Variants in CECR2 observed in about 807,000 individuals in gnomAD.
CECR2 encodes CECR2 histone acetyl-lysine reader, also known as chromatin remodeling regulator CECR2.
A neutral mutation model predicts 154.5 loss-of-function variants in CECR2; 30 were observed. That is an observed-to-expected ratio of 0.19 (90% CI 0.15 to 0.26). CECR2 has a LOEUF of 0.26. CECR2 is among the 10% of genes least tolerant of loss of function. CECR2 has a pLI of 1.00. For missense variants in CECR2, 1,743 were observed against 1,829.3 expected, an observed-to-expected ratio of 0.95 and a Z score of 0.86; for synonymous variants, 725 against 683.7, an observed-to-expected ratio of 1.06 and a Z score of -0.94.
chr22:17,527,105 T>C (rs2146975161), intron 9 of CECR2, among the ~76,000 whole-genome samples: 1 of 152,316 alleles, frequency 6.6e-6, no homozygotes, highest in East Asian at 1.9e-4. Context: ...AAAAGTCTAA[T>C]AATCGGATAT....
At chr22:17,403,476 C>T (rs1223125838) in intron 1 of CECR2, among the ~76,000 whole-genome samples, 1 of 152,152 alleles carries the variant, frequency 6.6e-6, no homozygotes, top group African/African-American at 2.4e-5. Flanking sequence ...AAGAAACTGG[C>T]AAACTTGTTT....
rs184365721 is a variant in CECR2, at chr22:17,555,867, T to C, written c.*3027T>C. 6.6e-6 allele frequency: 1 copy of C among 152,288 alleles called. No homozygotes were observed. Among genetic ancestry groups the C allele is most frequent in the African/African-American group, 2.4e-5 (1 of 41,566 alleles). 9.4% of individuals were successfully genotyped at this position (152,288 alleles called of 1,614,324 possible). A position where few individuals can be genotyped will look rare whatever the true frequency, so the allele number is the denominator to read the frequency against. ...AGAATGGGAAATACCATTGCATCTC[T>C]TTGATTTAACACTCATGGCTCACCT... On this transcript the variant is annotated 3_prime_UTR_variant, in exon 19 of 19. Coordinates refer to ENST00000262608, the MANE Select transcript of CECR2 (RefSeq NM_001290047.2).
upstream of CECR2, among the ~76,000 whole-genome samples, chr22:17,368,564 T>C (rs1184730215): frequency 2.6e-5 from 4 of 152,122 alleles, no homozygotes; most frequent in African/African-American, 9.7e-5. Flanking sequence ...AAGCACACAC[T>C]CCAACACCCT....
At chr22:17,442,325 A>G (rs2054597140) in intron 1 of CECR2, among the ~76,000 whole-genome samples, 1 of 152,182 alleles carries the variant, frequency 6.6e-6, no homozygotes, top group African/African-American at 2.4e-5. Context: ...GAACTTCAGG[A>G]GGCCAAGATG....
Position 17,548,206 on chromosome 22 carries a change from C to T in CECR2, c.2919C>T (p.Val973=). The change falls in exon 17 of 19, where the codon GTC becomes GTT. Residue 973 remains valine (V), a synonymous_variant. Coordinates refer to ENST00000262608, the MANE Select transcript of CECR2 (RefSeq NM_001290047.2). The stretch of plus-strand genomic sequence containing the variant: ...CAGGTGTTGGTACTTCAGAGGGGGT[C>T]TACCTCACACAACTACCTCACCCCA... The part of the protein sequence containing the change: ...KPPGVGTSEG[V]YLTQLPHPTP... 6.3e-7 allele frequency: 1 copy of T among 1,591,446 alleles called. No homozygotes were observed. The highest frequency in any genetic ancestry group is 8.6e-7 in the Non-Finnish European group (1 of 1,169,370).
chr22:17,524,347 G>A (rs758299930), intron 9 of CECR2, 76 bp downstream of exon 9: 2 of 1,475,864 alleles, frequency 1.4e-6, no homozygotes, highest in East Asian at 2.7e-5. Flanking sequence ...GCCAACTCAA[G>A]CTAAGTCCTG....
intron 10 of CECR2, among the ~76,000 whole-genome samples, chr22:17,537,481 A>C (rs1165626846): frequency 6.6e-6 from 1 of 152,218 alleles, no homozygotes; most frequent in African/African-American, 2.4e-5. Flanking sequence ...TAATGAAATC[A>C]GAATCTGATT....
chr22:17,413,571 A>G (rs5746368), intron 1 of CECR2, among the ~76,000 whole-genome samples: 62,517 of 151,854 alleles, frequency 0.41, 13,870 homozygotes, highest in Non-Finnish European at 0.5. Flanking sequence ...TTTAGTATTC[A>G]GTATGACATT....
chr22:17,526,021 T>C (rs1601516361), intron 9 of CECR2, among the ~76,000 whole-genome samples: 1 of 152,080 alleles, frequency 6.6e-6, no homozygotes, highest in East Asian at 1.9e-4. Flanking sequence ...ACCCAAAAAC[T>C]GGAAAGCTTT....
rs185506844 is a variant in CECR2 at position 17,402,685 on chromosome 22, C to G, written c.126+32776C>G. Reference sequence around the variant, plus strand: ...ATTCACATTGGTGCAGTACTATGAACTAAACTTCAGACTGTTTAGATTCCA... The same window carrying G: ...ATTCACATTGGTGCAGTACTATGAAGTAAACTTCAGACTGTTTAGATTCCA... On this transcript the variant is annotated intron_variant, in intron 1 of 18. Coordinates refer to ENST00000262608, the MANE Select transcript of CECR2 (RefSeq NM_001290047.2). Among the ~76,000 whole-genome samples, 4 of 152,016 alleles carry G rather than the reference C, an allele frequency of 2.6e-5. No homozygotes were observed. In the East Asian group the frequency reaches 7.7e-4, roughly 29 times the overall value.
intron 1 of CECR2, among the ~76,000 whole-genome samples, chr22:17,465,690 G>A (rs979391694): frequency 6.6e-6 from 1 of 150,430 alleles, no homozygotes; most frequent in Non-Finnish European, 1.5e-5. Flanking sequence ...TCACCGTCTT[G>A]GCCAGGCTGG....
chr22:17,385,533 T>C (rs1169013879), intron 1 of CECR2, among the ~76,000 whole-genome samples: 1 of 152,234 alleles, frequency 6.6e-6, no homozygotes, highest in African/African-American at 2.4e-5. Flanking sequence ...TTTGCTGTTT[T>C]ATGTGGGCAC....
chr22:17,397,486 G>T (rs919291644), intron 1 of CECR2, among the ~76,000 whole-genome samples: 2 of 152,000 alleles, frequency 1.3e-5, no homozygotes, highest in East Asian at 2.0e-4. Flanking sequence ...CAAACCCTAC[G>T]TATAAACACA....
intron 1 of CECR2, among the ~76,000 whole-genome samples, chr22:17,401,594 C>G (rs762459375): frequency 2.0e-4 from 31 of 151,968 alleles, no homozygotes; most frequent in Non-Finnish European, 4.3e-4. Context: ...TGTTCCTGTT[C>G]GTTCTACTCA....
At chr22:17,440,210 T>C (rs1390026362) in intron 1 of CECR2, among the ~76,000 whole-genome samples, 1 of 147,900 alleles carries the variant, frequency 6.8e-6, no homozygotes, top group East Asian at 1.9e-4. Context: ...TATAAAACTG[T>C]GTGTGTGTGT....
At chr22:17,408,744 T>G (rs1276782597) in intron 1 of CECR2, among the ~76,000 whole-genome samples, 1 of 152,222 alleles carries the variant, frequency 6.6e-6, no homozygotes. Flanking sequence ...TTGGGTTACC[T>G]GATTTAGCAC....
intron 1 of CECR2, among the ~76,000 whole-genome samples, chr22:17,401,810 G>A (rs1435247187): frequency 6.6e-6 from 1 of 150,634 alleles, no homozygotes; most frequent in East Asian, 1.9e-4. Context: ...TGGGTCATAT[G>A]GTAGGTGAAT....
chr22:17,447,621 ATAT>A (rs1481621579), intron 1 of CECR2, among the ~76,000 whole-genome samples: 2 of 150,388 alleles, frequency 1.3e-5, no homozygotes, highest in South Asian at 4.3e-4. Flanking sequence ...ATAAAATCAC[ATAT>A]TATGCCTGAG....
intron 1 of CECR2, among the ~76,000 whole-genome samples, chr22:17,446,639 C>T (rs2054668623): frequency 6.6e-6 from 1 of 152,172 alleles, no homozygotes. Context: ...TGATGTGAAC[C>T]TGGGAGGTGG....
Sources: gnomAD v4.1 joint callset for allele counts (sites outside exome capture counted in the v4.1 genomes callset) on GRCh38, gnomAD v4.1.1 for gene constraint, MANE v1.5 for transcripts, NCBI Gene and HGNC (gene_info 2026-07-23, HGNC 2026-07-21) for gene names.